SLC2A11: variants seen among roughly 807,000 people sequenced by gnomAD.
The protein encoded by SLC2A11 is solute carrier family 2, facilitated glucose transporter member 11.
In SLC2A11, 43 loss-of-function variants were observed where a neutral mutation model predicts 52.1. That is an observed-to-expected ratio of 0.82 (90% CI 0.65 to 1.06). The LOEUF is 1.06. SLC2A11 is among the 50% of genes least tolerant of loss of function. The pLI is 0.00. For missense variants in SLC2A11, 582 were observed against 654.2 expected (o/e 0.89, Z 1.20); for synonymous variants, 261 against 277.6 (o/e 0.94, Z 0.59).
At chr22:23,866,246 TGAG>T (rs1014002107) in intron 2 of SLC2A11, 2 of 152,300 alleles carry the variant, frequency 1.3e-5, no homozygotes, top group African/African-American at 2.4e-5. Flanking sequence ...TGGTCACTCT[TGAG>T]GAGTTCCACC....
chr22:23,884,704 C>T lies in SLC2A11; in HGVS notation c.1355C>T (p.Ala452Val), dbSNP rs747124407. 28 of 1,611,762 alleles carry T rather than the reference C, an allele frequency of 1.7e-5. No homozygotes were observed. The highest frequency in any genetic ancestry group is 2.4e-5 in the Non-Finnish European group (28 of 1,179,006). Residue 452 changes from alanine to valine, a missense_variant, in exon 12 of 12, where the codon GCC (alanine) becomes GTC (valine). Ala to Val is a moderately conservative substitution (Grantham distance 64). Coordinates refer to ENST00000316185, the MANE Select transcript of SLC2A11 (RefSeq NM_001024939.4). This position sits in a 1 kb window ranked among gnomAD's most constrained non-coding sequence, Gnocchi z 4.3. ...VPFLGVCVCG[A>V]IYTGLFLPET... ...TTCCTTGGTGTCTGTGTCTGTGGGG[C>T]CATCTACACTGGCCTGTTCCTTCCT...
upstream of SLC2A11, chr22:23,857,393 T>G: frequency 1.9e-6 from 3 of 1,583,098 alleles, no homozygotes; most frequent in Non-Finnish European, 2.6e-6. Context: ...GAGATGACCT[T>G]GGACCAGAGC....
At chr22:23,859,578 C>G (rs1402601191) in intron 1 of SLC2A11, among the ~76,000 whole-genome samples, 2 of 152,170 alleles carry the variant, frequency 1.3e-5, no homozygotes, top group Non-Finnish European at 2.9e-5. Context: ...ACCTCCGCCT[C>G]CCTCCCGGAT....
intron 2 of SLC2A11, chr22:23,867,457 C>T (rs183228343): frequency 7.9e-6 from 2 of 251,968 alleles, no homozygotes; most frequent in East Asian, 1.0e-4. Flanking sequence ...CTCGGCCTCC[C>T]AAAGTGCTGT....
At position 23,857,875 on chromosome 22, in the gene SLC2A11, C is replaced by G. The variant is rs528901338; in HGVS notation, c.-125C>G. The G allele has an allele frequency of 1.3e-5, 20 of 1,544,620 alleles. No homozygotes were observed. The highest frequency in any genetic ancestry group is 1.1e-4 in the African/African-American group (8 of 72,820). On this transcript the variant is annotated 5_prime_UTR_variant, in exon 1 of 12. Transcript: ENST00000316185. Reference sequence around the variant, plus strand: ...ACGCTCACTGCGCGTGCGCTAGCGCCTCTTTCACCACTGGGCGCTGCGCGC... The same window carrying G: ...ACGCTCACTGCGCGTGCGCTAGCGCGTCTTTCACCACTGGGCGCTGCGCGC...
chr22:23,883,089 G>A (rs547047858), intron 8 of SLC2A11: 137 of 613,910 alleles, frequency 2.2e-4, no homozygotes, highest in African/African-American at 2.0e-3. Flanking sequence ...TGAAACCCCC[G>A]TCTCTACTAA....
chr22:23,875,771 T>G (rs1476618518), intron 4 of SLC2A11, among the ~76,000 whole-genome samples: 2 of 152,210 alleles, frequency 1.3e-5, no homozygotes, highest in African/African-American at 4.8e-5. Flanking sequence ...TCTATATTAG[T>G]TATCTATTTG....
chr22:23,870,752 G>A (rs1326933880), intron 3 of SLC2A11: 1 of 152,080 alleles, frequency 6.6e-6, no homozygotes, highest in Non-Finnish European at 1.5e-5. Flanking sequence ...GAGTGCAATG[G>A]CGTGATCTCG....
rs201945340 is a variant in SLC2A11 at position 23,883,753 on chromosome 22, G to A, written c.994-19G>A. On this transcript the variant is annotated intron_variant, in intron 8 of 11. Transcript: ENST00000316185. ...GGACCATGGCTGGGTGTGTGGGTCT[G>A]TGCTTTCTGCCTTTGCAGTGTGTGG... 82 of 1,498,882 alleles carry A rather than the reference G, an allele frequency of 5.5e-5. 1 individual carries two copies. In the East Asian group the frequency reaches 9.6e-4, roughly 18 times the overall value. The allele number at this position is 1,498,882 out of a possible 1,614,324, so 92.8% of individuals were successfully genotyped here.
chr22:23,859,708 C>T (rs559832100), intron 1 of SLC2A11, among the ~76,000 whole-genome samples: 197 of 152,254 alleles, frequency 1.3e-3, no homozygotes, highest in African/African-American at 4.6e-3. Flanking sequence ...AGGCTGGTCT[C>T]GAACTCCTGA....
Position 23,884,275 on chromosome 22 carries a change from G to T in SLC2A11, c.1172-27G>T. The T allele has an allele frequency of 6.2e-7, 1 of 1,600,466 alleles. No individual in the cohort carries two copies. Among genetic ancestry groups the T allele is most frequent in the Non-Finnish European group, 8.5e-7 (1 of 1,172,144 alleles). Reference sequence around the variant, plus strand: ...GGCAGGCAGGGAACCCTGGCCAGCAGCCCCCTGTCCCTGCCCCTCCTTCTA... The same window carrying T: ...GGCAGGCAGGGAACCCTGGCCAGCATCCCCCTGTCCCTGCCCCTCCTTCTA... On this transcript the variant is annotated intron_variant, in intron 10 of 11. Transcript: ENST00000316185. The surrounding 1 kb of genome is among the most constrained non-coding windows in gnomAD (Gnocchi z 4.3).
At chr22:23,880,950 C>T (rs890381459) in intron 6 of SLC2A11, 4 of 152,044 alleles carry the variant, frequency 2.6e-5, no homozygotes, top group African/African-American at 9.7e-5. Context: ...TTCTTTCTTC[C>T]GTGTTACTGC....
intron 3 of SLC2A11, 100 bp downstream of exon 3, chr22:23,868,741 A>G: frequency 2.8e-6 from 4 of 1,431,834 alleles, no homozygotes; most frequent in South Asian, 2.6e-5. Context: ...GGCAAGCTCC[A>G]GGCCCAGATC....
rs752903686 is a variant in SLC2A11, at chr22:23,884,810, G to A, written c.1461G>A (p.Thr487=). The A allele has an allele frequency of 3.9e-5, 63 of 1,614,044 alleles. No homozygotes were observed. Among genetic ancestry groups the A allele is most frequent in the Non-Finnish European group, 4.6e-5 (54 of 1,180,024 alleles). ...TCCCCAGGCGGGCCCAGGGCCCCAC[G>A]TGGAGGAGCCTGGAGGTTATCCAGT... ...LNFPRRAQGP[T]WRSLEVIQST... The change falls in exon 12 of 12, where the codon ACG becomes ACA. Residue 487 remains threonine, a synonymous_variant. Coordinates refer to ENST00000316185, the MANE Select transcript of SLC2A11 (RefSeq NM_001024939.4). The surrounding 1 kb of genome is among the most constrained non-coding windows in gnomAD (Gnocchi z 4.3).
Position 23,884,082 on chromosome 22 carries a change from C to A in SLC2A11, c.1171+58C>A. 1 of 1,587,256 alleles carries A rather than the reference C, an allele frequency of 6.3e-7. No individual in the cohort carries two copies. On this transcript the variant is annotated intron_variant, in intron 10 of 11. Transcript: ENST00000316185. This position sits in a 1 kb window ranked among gnomAD's most constrained non-coding sequence, Gnocchi z 4.3. The stretch of plus-strand genomic sequence containing the variant: ...CATCACATAGAAGGAGTGATGGGTG[C>A]CTGGGTGCACAGTGGGTGGGTGTGA...
At chr22:23,857,059 A>G, upstream of SLC2A11, 3 of 597,726 alleles carry the variant, frequency 5.0e-6, no homozygotes, top group Non-Finnish European at 8.3e-6. Flanking sequence ...TACCTGAACC[A>G]AAGTGTGTGT....
At chr22:23,874,996 C>G (rs1467939130) in intron 3 of SLC2A11, 121 bp from the exon 4 acceptor site, 9 of 1,176,482 alleles carry the variant, frequency 7.6e-6, no homozygotes, top group South Asian at 5.5e-5. Flanking sequence ...TAATGGCATA[C>G]TACATACATT....
At chr22:23,864,968 C>T (rs1266881749) in intron 2 of SLC2A11, among the ~76,000 whole-genome samples, 5 of 151,884 alleles carry the variant, frequency 3.3e-5, no homozygotes, top group African/African-American at 1.2e-4. Context: ...ATTAGCTGGG[C>T]ATGGTGGCAT....
intron 1 of SLC2A11, among the ~76,000 whole-genome samples, chr22:23,860,924 C>T (rs890312343): frequency 6.6e-6 from 1 of 150,862 alleles, no homozygotes; most frequent in African/African-American, 2.4e-5. Flanking sequence ...CGGCTCACTG[C>T]TAGCTCCGCC....
Sources: gnomAD v4.1 joint callset for allele counts (sites outside exome capture counted in the v4.1 genomes callset) on GRCh38, gnomAD v4.1.1 for gene constraint, Gnocchi (gnomAD v3.1) non-coding constraint, MANE v1.5 for transcripts, NCBI Gene and HGNC (gene_info 2026-07-23, HGNC 2026-07-21) for gene names.